Variants in ZC3H4 observed in about 807,000 individuals in gnomAD.
ZC3H4 encodes zinc finger CCCH domain-containing protein 4.
In ZC3H4, 13 loss-of-function variants were observed where a neutral mutation model predicts 108.3. The observed-to-expected ratio is 0.12, with a 90% CI of 0.08 to 0.19. The LOEUF (loss-of-function observed/expected upper bound fraction) is 0.19, where lower values mean the gene tolerates loss of function less well. Among genes scored for constraint, ZC3H4 ranks in the 10% least tolerant of loss-of-function variants. ZC3H4 has a pLI of 1.00. For synonymous variants in ZC3H4, 917 were observed against 749.6 expected, an observed-to-expected ratio of 1.22 and a Z score of -3.65; for missense variants, 1,734 against 1,838.8, an observed-to-expected ratio of 0.94 and a Z score of 1.04.
At chr19:47,099,620 C>T (rs1296693468) in intron 2 of ZC3H4, among the ~76,000 whole-genome samples, 1 of 152,044 alleles carries the variant, frequency 6.6e-6, no homozygotes, top group South Asian at 2.1e-4. Context: ...TCTCCCCTTC[C>T]TCAGCTCTAA....
chr19:47,089,043 T>C (rs1356501833), intron 5 of ZC3H4, among the ~76,000 whole-genome samples: 1 of 151,110 alleles, frequency 6.6e-6, no homozygotes, highest in South Asian at 2.1e-4. Context: ...CCGTCTCTAC[T>C]AAAAATACAA....
chr19:47,077,031 G>T (rs1017316569), intron 11 of ZC3H4, among the ~76,000 whole-genome samples: 1 of 152,036 alleles, frequency 6.6e-6, no homozygotes, highest in Non-Finnish European at 1.5e-5. Context: ...GCTGGATGTG[G>T]TGGCGGGCCT....
chr19:47,069,953 A>AC (rs1233394075), intron 13 of ZC3H4, among the ~76,000 whole-genome samples: 1 of 152,152 alleles, frequency 6.6e-6, no homozygotes, highest in Non-Finnish European at 1.5e-5. Context: ...CAGCGTGGGC[A>AC]CTGGCACCAG....
At chr19:47,102,695 T>C (rs917112428) in intron 2 of ZC3H4, among the ~76,000 whole-genome samples, 2 of 149,868 alleles carry the variant, frequency 1.3e-5, no homozygotes, top group Non-Finnish European at 3.0e-5. Flanking sequence ...AAGGAAATGG[T>C]AGCATTTCAA....
Position 47,067,327 on chromosome 19 carries a change from G to A in ZC3H4, c.2941C>T (p.Pro981Ser). ...ATGGGTAGGGGGATCAGGTCCTCGG[G>A]ATTCCAGAGCACGGTGCGGGCGAAG... The part of the protein sequence containing the change: ...PSFARTVLWN[P>S]EDLIPLPIPK... The change falls in exon 15 of 15, where the codon CCC (proline) becomes TCC (serine). Residue 981 changes from proline to serine, a missense_variant. By Grantham distance (74) the Pro-to-Ser change is moderately conservative (BLOSUM62 -1). Around this residue, in one of 9 missense-constraint regions of ZC3H4, gnomAD observed 518 missense variants for 499.6 expected, o/e 1.04. Coordinates refer to ENST00000253048, the MANE Select transcript of ZC3H4 (RefSeq NM_015168.2). This position sits in a 1 kb window ranked among gnomAD's most constrained non-coding sequence, Gnocchi z 6.4. 1 of 1,599,328 alleles carries A rather than the reference G, an allele frequency of 6.3e-7. No homozygotes were observed. The highest frequency in any genetic ancestry group is 8.5e-7 in the Non-Finnish European group (1 of 1,172,002).
chr19:47,113,345 G>A (rs1443681446), intron 1 of ZC3H4: 1 of 153,434 alleles, frequency 6.5e-6, no homozygotes, highest in East Asian at 1.9e-4. Context: ...GAGCCAGAAA[G>A]AGCTGAAGGT....
intron 2 of ZC3H4, chr19:47,096,837 C>T: frequency 2.0e-6 from 2 of 985,426 alleles, no homozygotes; most frequent in African/African-American, 1.7e-5. Flanking sequence ...ACTTGGTCCA[C>T]AAGGCAGGTG....
chr19:47,094,572 A>G lies in ZC3H4; in HGVS notation c.198T>C (p.Asp66=). 6.2e-7 allele frequency: 1 copy of G among 1,613,972 alleles called. No individual in the cohort carries two copies. Among genetic ancestry groups the G allele is most frequent in the South Asian group, 1.1e-5 (1 of 91,074 alleles). The change falls in exon 3 of 15, where the codon GAT becomes GAC. Residue 66 remains aspartate (D), a synonymous_variant. Transcript: ENST00000253048. ...TATCCTGGGTCTCCTCTGCCCCATCATCTTCCAATTCACCTTCTTCCAACT... is the reference window on the plus strand; with the variant it reads ...TATCCTGGGTCTCCTCTGCCCCATCGTCTTCCAATTCACCTTCTTCCAACT... ...DGELEEGELE[D]DGAEETQDTS... is the part of the protein sequence containing the mutation.
At chr19:47,095,970 G>C (rs2057813934) in intron 2 of ZC3H4, among the ~76,000 whole-genome samples, 1 of 152,144 alleles carries the variant, frequency 6.6e-6, no homozygotes, top group Non-Finnish European at 1.5e-5. Flanking sequence ...GCCCAAGCGG[G>C]AGCCAATGTA....
intron 2 of ZC3H4, among the ~76,000 whole-genome samples, chr19:47,110,486 A>T (rs148193824): frequency 6.6e-6 from 1 of 152,336 alleles, no homozygotes; most frequent in African/African-American, 2.4e-5. Context: ...AGGATGTGCA[A>T]GTCTAAAAGG....
At chr19:47,081,065 T>C (rs951078617) in intron 11 of ZC3H4, among the ~76,000 whole-genome samples, 1 of 152,132 alleles carries the variant, frequency 6.6e-6, no homozygotes, top group African/African-American at 2.4e-5. Context: ...CAGCCAATTT[T>C]TTTTAATTTA....
At position 47,112,513 on chromosome 19, in the gene ZC3H4, TGGCGGCGGC is replaced by T. The variant is rs751917447; in HGVS notation, c.63_71del (p.Pro22_Pro24del). 6 of 1,090,304 alleles carry T rather than the reference TGGCGGCGGC, an allele frequency of 5.5e-6. No individual in the cohort carries two copies. The highest frequency in any genetic ancestry group is 3.3e-5 in the African/African-American group (2 of 60,964). The allele number at this position is 1,090,304 out of a possible 1,614,324, so 67.5% of individuals were successfully genotyped here. A position where few individuals can be genotyped will look rare whatever the true frequency, so the allele number is the denominator to read the frequency against. Reference sequence around the variant, plus strand: ...AACACGGAGGAGGCGAAGGCGTTGATGGCGGCGGCGGCGATGGCGGCGGCGGCGACTCTG... The same window carrying T: ...AACACGGAGGAGGCGAAGGCGTTGATGGCGATGGCGGCGGCGGCGACTCTG... On this transcript the variant is annotated inframe_deletion, in exon 2 of 15. Coordinates refer to ENST00000253048, the MANE Select transcript of ZC3H4 (RefSeq NM_015168.2).
At chr19:47,112,713 C>T in intron 1 of ZC3H4, 124 bp from the exon 2 acceptor site, 1 of 514,832 alleles carries the variant, frequency 1.9e-6, no homozygotes, top group Non-Finnish European at 3.0e-6. Flanking sequence ...TTCGGAATCA[C>T]CTCTGCGCTG....
chr19:47,100,501 G>C (rs1423975875), intron 2 of ZC3H4, among the ~76,000 whole-genome samples: 1 of 151,710 alleles, frequency 6.6e-6, no homozygotes, highest in African/African-American at 2.4e-5. Flanking sequence ...CCAGGCATCA[G>C]CATCTGTACC....
intron 2 of ZC3H4, among the ~76,000 whole-genome samples, chr19:47,100,941 G>A (rs1017579848): frequency 3.9e-5 from 6 of 151,954 alleles, no homozygotes; most frequent in Middle Eastern, 6.8e-3. Flanking sequence ...CAGGTGATCC[G>A]CCTGCCTCAG....
intron 2 of ZC3H4, chr19:47,112,173 AAGAC>A (rs1042664775): frequency 1.6e-4 from 184 of 1,160,306 alleles, no homozygotes; most frequent in East Asian, 5.2e-4. Context: ...GCGCCCAAAA[AAGAC>A]AGAGCGAGAG....
intron 2 of ZC3H4, among the ~76,000 whole-genome samples, chr19:47,108,012 T>C (rs151251889): frequency 2.6e-5 from 4 of 152,202 alleles, no homozygotes; most frequent in African/African-American, 9.7e-5. Flanking sequence ...AGCTTTTCCA[T>C]CCTATTAGGT....
At chr19:47,109,509 A>G (rs1383824041) in intron 2 of ZC3H4, among the ~76,000 whole-genome samples, 2 of 152,326 alleles carry the variant, frequency 1.3e-5, no homozygotes, top group East Asian at 1.9e-4. Flanking sequence ...GAAACTTCAA[A>G]TAAGTGCAAT....
At chr19:47,071,663 T>C in intron 13 of ZC3H4, 115 bp downstream of exon 13, 4 of 1,113,498 alleles carry the variant, frequency 3.6e-6, no homozygotes, top group Non-Finnish European at 5.0e-6. Context: ...GGGACAGAGA[T>C]GGAGTCATGC....
Sources: allele counts gnomAD v4.1 joint callset (sites outside exome capture counted in the v4.1 genomes callset), GRCh38; gene constraint gnomAD v4.1.1; regional missense constraint gnomAD v4.1.1; non-coding constraint Gnocchi (gnomAD v3.1); transcripts MANE v1.5; gene names NCBI Gene and HGNC (gene_info 2026-07-23, HGNC 2026-07-21).